TFEC: variants seen among roughly 807,000 people sequenced by gnomAD.
The protein encoded by TFEC is class E basic helix-loop-helix protein 34.
TFEC carries 31 observed loss-of-function variants against 41.6 expected under a neutral mutation model. The observed-to-expected ratio is 0.74, with a 90% CI of 0.56 to 1.01. The LOEUF (loss-of-function observed/expected upper bound fraction) is 1.01. TFEC is among the 50% of genes least tolerant of loss of function. The probability of loss-of-function intolerance (pLI) is 0.00; values close to 1 mark genes in which losing one functional copy is unlikely to be tolerated. For synonymous variants in TFEC, 143 were observed against 140.6 expected (o/e 1.02, Z -0.12); for missense variants, 402 against 404.1 (o/e 0.99, Z 0.04).
intron 4 of TFEC, 28 bp from the exon 5 acceptor site, chr7:115,954,670 A>C: frequency 6.3e-7 from 1 of 1,594,010 alleles, no homozygotes. Context: ...AATAAAAACC[A>C]TGCTTAGTTC....
intron 1 of TFEC, among the ~76,000 whole-genome samples, chr7:115,993,566 GACAA>G (rs1468010078): frequency 7.2e-5 from 11 of 152,096 alleles, no homozygotes; most frequent in Admixed American, 1.3e-4. Flanking sequence ...ACCAATAACA[GACAA>G]ACAGAGAGCC....
chr7:116,054,312 C>T (rs952216904), intron 3 of TFEC, among the ~76,000 whole-genome samples: 1 of 151,922 alleles, frequency 6.6e-6, no homozygotes, highest in African/African-American at 2.4e-5. Flanking sequence ...GAGTGGAAGG[C>T]TTGAAATTAA....
intron 3 of TFEC, among the ~76,000 whole-genome samples, chr7:116,058,535 A>G (rs1796480508): frequency 6.6e-6 from 1 of 151,684 alleles, no homozygotes; most frequent in African/African-American, 2.4e-5. Context: ...AACATTATCA[A>G]CAACCTGACC....
chr7:115,935,888 A>G lies in TFEC; in HGVS notation c.*4663T>C, dbSNP rs972580802. 2 of 151,560 alleles carry G rather than the reference A, an allele frequency of 1.3e-5. No homozygotes were observed. Among genetic ancestry groups the G allele is most frequent in the African/African-American group, 4.8e-5 (2 of 41,398 alleles). The allele number at this position is 151,560 out of a possible 1,614,324, so 9.4% of individuals were successfully genotyped here. ...ATCTGATTATGCAGAAATACACATA[A>G]AAATCCCTTTACAAGCAGATAAAAA... On this transcript the variant is annotated 3_prime_UTR_variant, in exon 8 of 8. Coordinates refer to ENST00000265440, the MANE Select transcript of TFEC (RefSeq NM_012252.4).
chr7:116,125,261 A>C (rs1798186157), intron 1 of TFEC, among the ~76,000 whole-genome samples: 1 of 152,194 alleles, frequency 6.6e-6, no homozygotes, highest in African/African-American at 2.4e-5. Flanking sequence ...AAAGCATTGG[A>C]GGCAGACTTA....
At chr7:116,031,983 T>G (rs1421551463), upstream of TFEC, among the ~76,000 whole-genome samples, 1 of 152,164 alleles carries the variant, frequency 6.6e-6, no homozygotes, top group Non-Finnish European at 1.5e-5. Context: ...GGATTTTAAC[T>G]CATTAGAAAA....
chr7:116,111,966 C>A, intron 2 of TFEC: 2 of 983,470 alleles, frequency 2.0e-6, no homozygotes, highest in Non-Finnish European at 2.4e-6. Context: ...CAAGTCTATG[C>A]AACACTTTGT....
chr7:116,131,026 T>G (rs1183588656), intron 1 of TFEC, among the ~76,000 whole-genome samples: 1 of 152,246 alleles, frequency 6.6e-6, no homozygotes, highest in African/African-American at 2.4e-5. Context: ...GGATGAACTT[T>G]CCTTTTACTT....
At chr7:116,016,828 A>G (rs1795210385) in intron 1 of TFEC, among the ~76,000 whole-genome samples, 2 of 152,108 alleles carry the variant, frequency 1.3e-5, no homozygotes, top group South Asian at 2.1e-4. Context: ...TATGTACTAT[A>G]TCTACCTATC....
At position 115,937,964 on chromosome 7, in the gene TFEC, G is replaced by C. The variant is rs1387733655; in HGVS notation, c.*2587C>G. 1 of 151,846 alleles carries C rather than the reference G, an allele frequency of 6.6e-6. No individual in the cohort carries two copies. The allele number at this position is 151,846 out of a possible 1,614,324, so 9.4% of individuals were successfully genotyped here. A position where few individuals can be genotyped will look rare whatever the true frequency, so the allele number is the denominator to read the frequency against. On this transcript the variant is annotated 3_prime_UTR_variant, in exon 8 of 8. Coordinates refer to ENST00000265440, the MANE Select transcript of TFEC (RefSeq NM_012252.4). ...AACTACCATCTAATTAATTTTTAAT[G>C]TATTTCAGTTGACCGGGACACAGCA...
intron 4 of TFEC, among the ~76,000 whole-genome samples, chr7:115,956,335 A>G (rs1162528987): frequency 6.7e-6 from 1 of 149,854 alleles, no homozygotes; most frequent in Non-Finnish European, 1.5e-5. Context: ...CTTTGTAACC[A>G]TGTTAATAAA....
intron 3 of TFEC, among the ~76,000 whole-genome samples, chr7:116,090,832 C>T (rs1015362957): frequency 2.0e-5 from 3 of 151,962 alleles, no homozygotes; most frequent in African/African-American, 4.8e-5. Context: ...ATGAATGAAG[C>T]TGTAAACCAT....
intron 6 of TFEC, among the ~76,000 whole-genome samples, chr7:115,947,805 G>A (rs1367612615): frequency 6.6e-6 from 1 of 151,952 alleles, no homozygotes; most frequent in African/African-American, 2.4e-5. Flanking sequence ...GTTCATTGTA[G>A]ATTCTGGATA....
At chr7:116,032,032 TACA>T (rs1349188869), upstream of TFEC, among the ~76,000 whole-genome samples, 1 of 152,162 alleles carries the variant, frequency 6.6e-6, no homozygotes, top group Non-Finnish European at 1.5e-5. Flanking sequence ...ATTTGTATGA[TACA>T]ACATGTTTAA....
At chr7:116,003,444 C>A (rs1413663579) in intron 1 of TFEC, among the ~76,000 whole-genome samples, 1 of 151,836 alleles carries the variant, frequency 6.6e-6, no homozygotes. Flanking sequence ...ACATAACAAT[C>A]CTTAATATTT....
At chr7:116,045,988 T>C (rs1796154136) in intron 3 of TFEC, among the ~76,000 whole-genome samples, 2 of 152,206 alleles carry the variant, frequency 1.3e-5, no homozygotes, top group East Asian at 1.9e-4. Flanking sequence ...GTAACCCCTT[T>C]GTTTTGGCCA....
At chr7:116,012,357 A>G (rs1474988763) in intron 1 of TFEC, among the ~76,000 whole-genome samples, 1 of 152,220 alleles carries the variant, frequency 6.6e-6, no homozygotes, top group African/African-American at 2.4e-5. Context: ...AAGTTAAAAC[A>G]AAGCTCTCAT....
At chr7:115,999,332 C>T (rs1019521039) in intron 1 of TFEC, among the ~76,000 whole-genome samples, 6 of 151,794 alleles carry the variant, frequency 4.0e-5, no homozygotes, top group African/African-American at 1.2e-4. Context: ...GTATGAAATA[C>T]AGTAAAAGCA....
At chr7:116,124,888 G>T (rs1798178715) in intron 1 of TFEC, among the ~76,000 whole-genome samples, 1 of 152,152 alleles carries the variant, frequency 6.6e-6, no homozygotes, top group Admixed American at 6.6e-5. Context: ...GGTAAACAAA[G>T]AATGCAAATG....
Sources: gnomAD v4.1 joint callset for allele counts (sites outside exome capture counted in the v4.1 genomes callset) on GRCh38, gnomAD v4.1.1 for gene constraint, MANE v1.5 for transcripts, NCBI Gene and HGNC (gene_info 2026-07-23, HGNC 2026-07-21) for gene names.